NAV3: variants seen among roughly 807,000 people sequenced by gnomAD.
NAV3 encodes neuron navigator 3.
In NAV3, 87 loss-of-function variants were observed where a neutral mutation model predicts 244.7. The observed-to-expected ratio is 0.36, with a 90% CI of 0.30 to 0.42. The LOEUF (loss-of-function observed/expected upper bound fraction) is 0.42, where lower values mean the gene tolerates loss of function less well. NAV3 is among the 20% of genes least tolerant of loss of function. The pLI is 1.00. For missense variants in NAV3, 2,663 were observed against 2,893.3 expected (o/e 0.92, Z 1.83); for synonymous variants, 1,126 against 1,042.2 (o/e 1.08, Z -1.55).
At chr12:77,912,620 G>GT (rs946464437) in intron 1 of NAV3, among the ~76,000 whole-genome samples, 2 of 150,140 alleles carry the variant, frequency 1.3e-5, no homozygotes, top group Non-Finnish European at 3.0e-5. Flanking sequence ...TTTTGTGGGG[G>GT]TTTTTTGTTT....
At chr12:77,749,611 G>T (rs1868736173) in intron 2 of NAV3, among the ~76,000 whole-genome samples, 1 of 152,026 alleles carries the variant, frequency 6.6e-6, no homozygotes. Context: ...GGTTCAGCTA[G>T]GCTTTTTTTA....
intron 5 of NAV3, among the ~76,000 whole-genome samples, chr12:77,974,062 A>G (rs1893244095): frequency 6.6e-6 from 1 of 151,960 alleles, no homozygotes; most frequent in Non-Finnish European, 1.5e-5. Flanking sequence ...ACGTGCACAC[A>G]CTTTTGTTAC....
chr12:77,754,082 G>A lies in NAV3; in HGVS notation c.72+181816G>A, dbSNP rs138990737. 2.0e-5 allele frequency among the ~76,000 whole-genome samples: 3 copies of A among 152,228 alleles called. No individual in the cohort carries two copies. In the East Asian group the frequency reaches 5.8e-4, roughly 29 times the overall value. On this transcript the variant is annotated intron_variant, in intron 2 of 8. Coordinates refer to the NAV3 transcript ENST00000550042. Reference sequence around the variant, plus strand: ...ATTATGAATTAGGTGTATTACTGATGTTATTTTATACGTATTTTTGAATAG... The same window carrying A: ...ATTATGAATTAGGTGTATTACTGATATTATTTTATACGTATTTTTGAATAG...
intron 2 of NAV3, among the ~76,000 whole-genome samples, chr12:77,585,335 A>G (rs1303042730): frequency 3.3e-5 from 5 of 151,876 alleles, no homozygotes; most frequent in Non-Finnish European, 7.4e-5. Flanking sequence ...GTCAGCAACC[A>G]TTTTTCTTTT....
At chr12:77,608,580 G>C (rs1477133006) in intron 2 of NAV3, among the ~76,000 whole-genome samples, 3 of 152,120 alleles carry the variant, frequency 2.0e-5, no homozygotes, top group Non-Finnish European at 4.4e-5. Context: ...ATGCTAAGCA[G>C]CTGAGGTCAC....
intron 2 of NAV3, among the ~76,000 whole-genome samples, chr12:77,742,174 G>T (rs116350543): frequency 0.029 from 4,463 of 151,904 alleles, 228 homozygotes; most frequent in African/African-American, 0.1. Context: ...ATAATTCTTA[G>T]GTTTGCTTTT....
At chr12:77,787,510 G>A (rs1248636771) in intron 2 of NAV3, among the ~76,000 whole-genome samples, 8 of 152,098 alleles carry the variant, frequency 5.3e-5, no homozygotes, top group Admixed American at 5.2e-4. Flanking sequence ...ACATGGTGGC[G>A]GGAAGAGAAG....
At chr12:78,163,162 C>T (rs1242526970) in intron 23 of NAV3, among the ~76,000 whole-genome samples, 1 of 151,600 alleles carries the variant, frequency 6.6e-6, no homozygotes, top group African/African-American at 2.4e-5. Context: ...AGTCTTTGGG[C>T]TTCACAGTGT....
chr12:78,140,512 C>T lies in NAV3; in HGVS notation c.4683+178C>T, dbSNP rs992153177. ...AATAAAGTGCCAGGTGCTCCACCTG[C>T]CATTCTTTGGTCACTTACATGTGCT... On this transcript the variant is annotated intron_variant, in intron 20 of 39. Coordinates refer to ENST00000397909, the MANE Select transcript of NAV3 (RefSeq NM_001024383.2). Among the ~76,000 whole-genome samples, 34 of 152,130 alleles carry T rather than the reference C, an allele frequency of 2.2e-4. 1 individual carries two copies. Among genetic ancestry groups the T allele is most frequent in the African/African-American group, 8.0e-4 (33 of 41,428 alleles).
chr12:77,980,616 A>AT (rs1222340582), intron 5 of NAV3, among the ~76,000 whole-genome samples: 1 of 152,090 alleles, frequency 6.6e-6, no homozygotes, highest in Non-Finnish European at 1.5e-5. Flanking sequence ...TCAAGTTCCA[A>AT]TTTTTTTAAG....
chr12:78,055,469 A>G (rs1013626236), intron 11 of NAV3, among the ~76,000 whole-genome samples: 1 of 152,206 alleles, frequency 6.6e-6, no homozygotes, highest in Non-Finnish European at 1.5e-5. Context: ...ATTGATTTCG[A>G]AAACAGAGAA....
At chr12:78,199,991 G>T (rs1291443291) in intron 37 of NAV3, among the ~76,000 whole-genome samples, 1 of 152,050 alleles carries the variant, frequency 6.6e-6, no homozygotes, top group Non-Finnish European at 1.5e-5. Context: ...TTTGCATAAA[G>T]ATATTTACAT....
At chr12:77,605,185 G>A (rs1410978665) in intron 2 of NAV3, among the ~76,000 whole-genome samples, 1 of 152,030 alleles carries the variant, frequency 6.6e-6, no homozygotes, top group African/African-American at 2.4e-5. Context: ...CTTGCAAAAT[G>A]CCCTGCAATC....
intron 36 of NAV3, chr12:78,199,036 G>T (rs1187102539): frequency 3.6e-6 from 2 of 556,368 alleles, no homozygotes; most frequent in Non-Finnish European, 6.8e-6. Context: ...GAAGAGAGTT[G>T]CTATTTCAGG....
intron 1 of NAV3, among the ~76,000 whole-genome samples, chr12:77,932,393 C>G (rs1168747819): frequency 6.6e-6 from 1 of 152,096 alleles, no homozygotes; most frequent in African/African-American, 2.4e-5. Flanking sequence ...GTGGGAAAAT[C>G]TGTTTGCATT....
intron 2 of NAV3, among the ~76,000 whole-genome samples, chr12:77,687,030 G>A (rs1184659623): frequency 1.3e-5 from 2 of 151,956 alleles, no homozygotes; most frequent in African/African-American, 2.4e-5. Context: ...TTCTGGGCAA[G>A]TTATATTAAC....
chr12:78,028,423 A>C (rs1434194272), intron 9 of NAV3, among the ~76,000 whole-genome samples: 2 of 152,240 alleles, frequency 1.3e-5, no homozygotes, highest in Non-Finnish European at 2.9e-5. Flanking sequence ...ATTGCCGATG[A>C]AAAACTGACT....
intron 2 of NAV3, among the ~76,000 whole-genome samples, chr12:77,761,354 AT>A (rs1480258164): frequency 6.6e-6 from 1 of 152,200 alleles, no homozygotes; most frequent in African/African-American, 2.4e-5. Context: ...TCCAGCCAGT[AT>A]TTTAAAGATC....
intron 1 of NAV3, among the ~76,000 whole-genome samples, chr12:77,855,405 A>G (rs1592792136): frequency 6.6e-6 from 1 of 152,312 alleles, no homozygotes; most frequent in East Asian, 1.9e-4. Context: ...GGTCAGTTTG[A>G]CAGAATCTAT....
Sources: gnomAD v4.1 joint callset for allele counts (sites outside exome capture counted in the v4.1 genomes callset) on GRCh38, gnomAD v4.1.1 for gene constraint, MANE v1.5 for transcripts, NCBI Gene and HGNC (gene_info 2026-07-23, HGNC 2026-07-21) for gene names.